The following NGF variants were observed in gnomAD, a reference collection of about 807,000 sequenced individuals.
The protein encoded by NGF is nerve growth factor, also known as beta-nerve growth factor.
Under a neutral mutation model 12.8 loss-of-function variants are expected in NGF, and 4 were observed. The observed-to-expected ratio is 0.31, with a 90% CI of 0.15 to 0.72. The LOEUF is 0.72. NGF is among the 30% of genes least tolerant of loss of function. The pLI is 0.69. For missense variants in NGF, 283 were observed against 330.8 expected, an observed-to-expected ratio of 0.86 and a Z score of 1.12; for synonymous variants, 140 against 130.0, an observed-to-expected ratio of 1.08 and a Z score of -0.52.
chr1:115,304,425 C>T (rs778848309), intron 1 of NGF, among the ~76,000 whole-genome samples: 38 of 150,130 alleles, frequency 2.5e-4, no homozygotes, highest in Admixed American at 8.7e-4. Flanking sequence ...CCGCCCACCT[C>T]GGCCTCCCAA....
chr1:115,301,146 A>G (rs1406526008), intron 1 of NGF, among the ~76,000 whole-genome samples: 1 of 152,178 alleles, frequency 6.6e-6, no homozygotes, highest in Non-Finnish European at 1.5e-5. Flanking sequence ...TGAACAAAAT[A>G]AAAAGTCTGC....
chr1:115,288,953 T>C (rs2284830), intron 2 of NGF, among the ~76,000 whole-genome samples: 2 of 152,236 alleles, frequency 1.3e-5, no homozygotes, highest in East Asian at 3.9e-4. Context: ...TACTGTGCTT[T>C]TATTCAGCTG....
chr1:115,303,356 C>T (rs528810570), intron 1 of NGF, among the ~76,000 whole-genome samples: 348 of 152,246 alleles, frequency 2.3e-3, no homozygotes, highest in Admixed American at 4.6e-3. Context: ...TAGAGCATGG[C>T]AGCATTATCT....
At chr1:115,300,519 C>T (rs1314645408) in intron 1 of NGF, among the ~76,000 whole-genome samples, 2 of 152,246 alleles carry the variant, frequency 1.3e-5, no homozygotes, top group African/African-American at 4.8e-5. Flanking sequence ...AAGCAGTCAG[C>T]ACCAAACACA....
In NGF at chr1:115,289,736, CCT is replaced by C. The variant is rs1160218620; in HGVS notation, c.-12-2931_-12-2930del. ...TTTCACAGCTACCATCTCTCTTGATCCTCTCTCCTCATCTCCCTAAACACGCT... is the reference window on the plus strand; with the variant it reads ...TTTCACAGCTACCATCTCTCTTGATCCTCTCCTCATCTCCCTAAACACGCT... On this transcript the variant is annotated intron_variant, in intron 2 of 2. Coordinates refer to ENST00000369512, the MANE Select transcript of NGF (RefSeq NM_002506.3). Among the ~76,000 whole-genome samples the C allele has an allele frequency of 2.0e-5, 3 of 151,968 alleles. No homozygotes were observed. The East Asian group carries it at 5.8e-4, about 29-fold the overall frequency.
chr1:115,294,703 T>A (rs1465965702), intron 1 of NGF, among the ~76,000 whole-genome samples: 1 of 152,100 alleles, frequency 6.6e-6, no homozygotes, highest in Non-Finnish European at 1.5e-5. Context: ...CAAGTTGAGA[T>A]CTGGAGGATG....
rs542460046 is a variant in NGF at position 115,286,064 on chromosome 1, G to A, written c.*6C>T. 28 of 1,612,368 alleles carry A rather than the reference G, an allele frequency of 1.7e-5. No homozygotes were observed. The highest frequency in any genetic ancestry group is 1.2e-4 in the Admixed American group (7 of 59,938). ...AAGGGGCAGGGGGAGGGAGCGTGTCGGCAGGTCAGGCTCTTCTCACAGCCT... is the reference window on the plus strand; with the variant it reads ...AAGGGGCAGGGGGAGGGAGCGTGTCAGCAGGTCAGGCTCTTCTCACAGCCT... On this transcript the variant is annotated 3_prime_UTR_variant, in exon 3 of 3. Transcript: ENST00000369512.
chr1:115,327,498 G>C (rs939524319), intron 1 of NGF, among the ~76,000 whole-genome samples: 2 of 152,158 alleles, frequency 1.3e-5, no homozygotes, highest in Non-Finnish European at 2.9e-5. Context: ...AACATTTCTA[G>C]TGTTCACACT....
intron 1 of NGF, among the ~76,000 whole-genome samples, chr1:115,313,136 C>G (rs1314311965): frequency 1.3e-5 from 2 of 152,190 alleles, no homozygotes; most frequent in Admixed American, 1.3e-4. Flanking sequence ...TTCTGTCCCT[C>G]TAAGCCAGTC....
chr1:115,314,202 G>A (rs1009116504), intron 1 of NGF, among the ~76,000 whole-genome samples: 11 of 152,146 alleles, frequency 7.2e-5, no homozygotes, highest in South Asian at 2.1e-4. Context: ...GACACATGGC[G>A]TACCCTTCCC....
At chr1:115,298,336 G>T (rs966354863) in intron 1 of NGF, among the ~76,000 whole-genome samples, 1 of 152,146 alleles carries the variant, frequency 6.6e-6, no homozygotes, top group Admixed American at 6.5e-5. Flanking sequence ...CTCTTAGTCA[G>T]CAAACCTCAT....
chr1:115,286,690 G>A lies in NGF; in HGVS notation c.106C>T (p.His36Tyr), dbSNP rs267597943. 6 of 1,614,222 alleles carry A rather than the reference G, an allele frequency of 3.7e-6. No individual in the cohort carries two copies. In the East Asian group the frequency reaches 1.3e-4, roughly 36 times the overall value. Residue 36 changes from histidine to tyrosine, a missense_variant, in exon 3 of 3, where the codon CAC becomes TAC. His to Tyr is a moderately conservative substitution (Grantham distance 83). Around this residue, in one of 2 missense-constraint regions of NGF, gnomAD observed 151 missense variants for 141.6 expected, o/e 1.07. Transcript: ENST00000369512. The part of the protein sequence containing the change: ...VPAGHTIPQA[H>Y]WTKLQHSLDT... ...AGGGAATGCTGAAGTTTAGTCCAGTGGGCTTGGGGGATGGTGTGTCCTGCA... is the reference window on the plus strand; with the variant it reads ...AGGGAATGCTGAAGTTTAGTCCAGTAGGCTTGGGGGATGGTGTGTCCTGCA...
chr1:115,329,744 CTTTTTTTT>C (rs1039991768), intron 1 of NGF, among the ~76,000 whole-genome samples: 4 of 103,994 alleles, frequency 3.8e-5, no homozygotes, highest in Admixed American at 2.2e-4. Flanking sequence ...TTCTTTCTTT[CTTTTTTTT>C]TTTTTTTTTT....
chr1:115,295,419 A>G (rs950835742), intron 1 of NGF, among the ~76,000 whole-genome samples: 3 of 152,194 alleles, frequency 2.0e-5, no homozygotes, highest in Non-Finnish European at 2.9e-5. Flanking sequence ...ACATTCTGTG[A>G]CAAAGAACAT....
chr1:115,286,183 G>A lies in NGF; in HGVS notation c.613C>T (p.His205Tyr). The A allele has an allele frequency of 6.2e-7, 1 of 1,614,152 alleles. No individual in the cohort carries two copies. Among genetic ancestry groups the A allele is most frequent in the Non-Finnish European group, 8.5e-7 (1 of 1,180,032 alleles). ...KHWNSYCTTT[H>Y]TFVKALTMDG... is the part of the protein sequence containing the mutation. ...ATGGTCAGCGCCTTGACAAAGGTGT[G>A]AGTCGTGGTACAATATGAGTTCCAG... The change falls in exon 3 of 3, where the codon CAC (histidine) becomes TAC (tyrosine). Residue 205 changes from histidine to tyrosine, a missense_variant. Coordinates refer to ENST00000369512, the MANE Select transcript of NGF (RefSeq NM_002506.3).
intron 1 of NGF, among the ~76,000 whole-genome samples, chr1:115,321,983 A>T (rs369770965): frequency 9.9e-4 from 151 of 152,310 alleles, no homozygotes; most frequent in African/African-American, 3.4e-3. Context: ...TTGCAGTAAG[A>T]GTTCATCCTA....
chr1:115,321,377 T>C (rs1654619104), intron 1 of NGF, among the ~76,000 whole-genome samples: 1 of 152,222 alleles, frequency 6.6e-6, no homozygotes, highest in African/African-American at 2.4e-5. Context: ...TGATTTTTAA[T>C]CAAGGAACTT....
chr1:115,298,992 T>C (rs372118860), intron 1 of NGF, among the ~76,000 whole-genome samples: 13 of 152,268 alleles, frequency 8.5e-5, no homozygotes, highest in Middle Eastern at 3.4e-3. Context: ...CCTGAGTCTG[T>C]GCACAACAGG....
rs375985295 is a variant in NGF at position 115,295,092 on chromosome 1, A to T, written c.-136-1342T>A. On this transcript the variant is annotated intron_variant, in intron 1 of 2. Coordinates refer to ENST00000369512, the MANE Select transcript of NGF (RefSeq NM_002506.3). ...CCTGTGATATCTTTTTCCAGCATGG[A>T]TCCCCACCACATATCTTCATCCAAC... 5.9e-5 allele frequency among the ~76,000 whole-genome samples: 9 copies of T among 152,230 alleles called. No individual in the cohort carries two copies. In the South Asian group the frequency reaches 1.9e-3, roughly 32 times the overall value.
Sources: allele counts gnomAD v4.1 joint callset (sites outside exome capture counted in the v4.1 genomes callset), GRCh38; gene constraint gnomAD v4.1.1; regional missense constraint gnomAD v4.1.1; transcripts MANE v1.5; gene names NCBI Gene and HGNC (gene_info 2026-07-23, HGNC 2026-07-21).